The following PDZRN4 variants were observed in gnomAD, a reference collection of about 807,000 sequenced individuals.
PDZRN4 encodes the protein PDZ domain containing ring finger 4, also known as PDZ domain-containing RING finger protein 4.
In PDZRN4, 70 loss-of-function variants were observed where a neutral mutation model predicts 99.0. The observed-to-expected ratio is 0.71, with a 90% CI of 0.58 to 0.86. The LOEUF is 0.86. Among genes scored for constraint, PDZRN4 ranks in the 40% least tolerant of loss-of-function variants. The probability of loss-of-function intolerance (pLI) is 0.00; values close to 1 mark genes in which losing one functional copy is unlikely to be tolerated. For missense variants in PDZRN4, 1,474 were observed against 1,331.2 expected, an observed-to-expected ratio of 1.11 and a Z score of -1.67; for synonymous variants, 551 against 501.6, an observed-to-expected ratio of 1.10 and a Z score of -1.32.
intron 3 of PDZRN4, among the ~76,000 whole-genome samples, chr12:41,268,467 A>G (rs1240677518): frequency 6.6e-6 from 1 of 152,190 alleles, no homozygotes; most frequent in Admixed American, 6.5e-5. Context: ...TCTTGACCAA[A>G]CCAGACAGGC....
intron 2 of PDZRN4, among the ~76,000 whole-genome samples, chr12:41,193,878 A>G (rs1428374190): frequency 1.3e-5 from 2 of 152,186 alleles, no homozygotes; most frequent in East Asian, 3.9e-4. Context: ...TAATCTTGTC[A>G]GAGACCCTGG....
chr12:41,252,087 G>A (rs1951174833), intron 3 of PDZRN4, among the ~76,000 whole-genome samples: 1 of 152,016 alleles, frequency 6.6e-6, no homozygotes, highest in Non-Finnish European at 1.5e-5. Flanking sequence ...CTGCACTCCA[G>A]ATCGGGTGAA....
intron 3 of PDZRN4, among the ~76,000 whole-genome samples, chr12:41,328,479 A>T (rs752742870): frequency 1.3e-5 from 2 of 152,182 alleles, no homozygotes; most frequent in Non-Finnish European, 2.9e-5. Flanking sequence ...TGATAATGCC[A>T]CTACACTCAA....
intron 5 of PDZRN4, among the ~76,000 whole-genome samples, chr12:41,543,839 G>T (rs1349603582): frequency 6.6e-6 from 1 of 152,108 alleles, no homozygotes; most frequent in Non-Finnish European, 1.5e-5. Context: ...TTTTTGAAAT[G>T]ATCACTATAC....
At chr12:41,571,908 T>C (rs1939488766) in intron 9 of PDZRN4, among the ~76,000 whole-genome samples, 1 of 152,214 alleles carries the variant, frequency 6.6e-6, no homozygotes, top group Non-Finnish European at 1.5e-5. Flanking sequence ...CAGTGAAGTT[T>C]CCTCTGTACT....
chr12:41,559,618 T>C (rs1285420827), intron 7 of PDZRN4, among the ~76,000 whole-genome samples: 1 of 152,154 alleles, frequency 6.6e-6, no homozygotes, highest in African/African-American at 2.4e-5. Context: ...AAGGATGACT[T>C]CCTGATGAAA....
chr12:41,402,835 C>T (rs752217913), intron 3 of PDZRN4, among the ~76,000 whole-genome samples: 3 of 151,546 alleles, frequency 2.0e-5, no homozygotes, highest in South Asian at 2.1e-4. Flanking sequence ...TTGAGGGCAG[C>T]GTCAGCGTCT....
chr12:41,245,576 G>T (rs906739130), intron 3 of PDZRN4, among the ~76,000 whole-genome samples: 1 of 152,142 alleles, frequency 6.6e-6, no homozygotes, highest in Non-Finnish European at 1.5e-5. Context: ...TGGAGGGAAT[G>T]ATTTCTGTAC....
chr12:41,325,097 T>C (rs1000384105), intron 3 of PDZRN4, among the ~76,000 whole-genome samples: 1 of 152,094 alleles, frequency 6.6e-6, no homozygotes, highest in Non-Finnish European at 1.5e-5. Flanking sequence ...TTTAAATGTA[T>C]ATAATTAATG....
chr12:41,194,093 G>T lies in PDZRN4; in HGVS notation c.748G>T (p.Gly250Ter). ...GGRPNQNNQEGTSTEGIYVSK... is the reference protein window; with the variant it reads ...GGRPNQNNQE ...TTTTTAAAAATAGAATAATCAGGAAGGAACATCGACTGAAGGAATTTACGT... is the reference window on the plus strand; with the variant it reads ...TTTTTAAAAATAGAATAATCAGGAATGAACATCGACTGAAGGAATTTACGT... The change falls in exon 3 of 10, where the codon GGA becomes TGA. Residue 250 changes from glycine to a stop codon, truncating the protein, a stop_gained. Transcript: ENST00000402685. LOFTEE classifies it high-confidence loss of function. 1 of 1,481,230 alleles carries T rather than the reference G, an allele frequency of 6.8e-7. No homozygotes were observed. Among genetic ancestry groups the T allele is most frequent in the East Asian group, 2.3e-5 (1 of 44,312 alleles). The allele number at this position is 1,481,230 out of a possible 1,614,324, so 91.8% of individuals were successfully genotyped here.
At chr12:41,248,362 A>G (rs1198644498) in intron 3 of PDZRN4, among the ~76,000 whole-genome samples, 1 of 152,218 alleles carries the variant, frequency 6.6e-6, no homozygotes, top group Admixed American at 6.5e-5. Context: ...GCACACATGC[A>G]CCATAGGTTT....
chr12:41,388,804 A>G (rs560173321), intron 3 of PDZRN4, among the ~76,000 whole-genome samples: 1 of 152,182 alleles, frequency 6.6e-6, no homozygotes, highest in Non-Finnish European at 1.5e-5. Context: ...CACTGAGTTT[A>G]TGTATCTTTG....
At chr12:41,230,833 A>T (rs1348315587) in intron 3 of PDZRN4, among the ~76,000 whole-genome samples, 2 of 152,094 alleles carry the variant, frequency 1.3e-5, no homozygotes, top group East Asian at 3.9e-4. Flanking sequence ...TGTAATAGTC[A>T]CATGCATGGT....
intron 3 of PDZRN4, among the ~76,000 whole-genome samples, chr12:41,194,489 A>G (rs1162850197): frequency 6.6e-6 from 1 of 152,082 alleles, no homozygotes; most frequent in African/African-American, 2.4e-5. Context: ...CAAAACAAAA[A>G]AATTAGCTGG....
chr12:41,458,655 G>T (rs1301583545), intron 3 of PDZRN4, among the ~76,000 whole-genome samples: 3 of 152,154 alleles, frequency 2.0e-5, no homozygotes, highest in African/African-American at 7.2e-5. Context: ...TCTGGGAGTT[G>T]AGGAGGATGG....
At chr12:41,483,446 T>G (rs1397790596) in intron 3 of PDZRN4, among the ~76,000 whole-genome samples, 2 of 152,064 alleles carry the variant, frequency 1.3e-5, no homozygotes, top group Non-Finnish European at 2.9e-5. Flanking sequence ...GAGGAAGCAG[T>G]CAGGAAGCAG....
chr12:41,572,588 T>C lies in PDZRN4; in HGVS notation c.1809T>C (p.Asn603=), dbSNP rs768318662. ...TGGGAAGTGTTGAACTTCAGTACAA[T>C]GAGAGCCTCGTATCTGGTGAATACA... is the stretch of plus-strand genomic sequence containing the variant. ...DTLGSVELQY[N]ESLVSGEYID... Residue 603 remains asparagine (N), a synonymous_variant, in exon 10 of 10, where the codon AAT becomes AAC. Coordinates refer to ENST00000402685, the MANE Select transcript of PDZRN4 (RefSeq NM_001164595.2). 1.2e-6 allele frequency: 2 copies of C among 1,614,124 alleles called. No individual in the cohort carries two copies. The highest frequency in any genetic ancestry group is 1.7e-6 in the Non-Finnish European group (2 of 1,179,974).
At chr12:41,498,131 A>ATC (rs149654935) in intron 3 of PDZRN4, among the ~76,000 whole-genome samples, 37 of 149,542 alleles carry the variant, frequency 2.5e-4, no homozygotes, top group East Asian at 5.8e-4. Flanking sequence ...TAGGTTCTCA[A>ATC]TCTCTCTCTC....
chr12:41,253,821 G>A (rs1227647845), intron 3 of PDZRN4, among the ~76,000 whole-genome samples: 1 of 152,104 alleles, frequency 6.6e-6, no homozygotes, highest in Non-Finnish European at 1.5e-5. Flanking sequence ...GAATGAAATT[G>A]TGTCATGTGC....
Sources: gnomAD v4.1 joint callset for allele counts (sites outside exome capture counted in the v4.1 genomes callset) on GRCh38, gnomAD v4.1.1 for gene constraint, MANE v1.5 for transcripts, NCBI Gene and HGNC (gene_info 2026-07-23, HGNC 2026-07-21) for gene names.